The following SMG1 variants were observed in gnomAD, a reference collection of about 807,000 sequenced individuals.
SMG1 encodes serine/threonine-protein kinase SMG1.
In SMG1, 22 loss-of-function variants were observed where a neutral mutation model predicts 419.9. That is an observed-to-expected ratio of 0.05 (90% CI 0.04 to 0.07). SMG1 has a LOEUF of 0.07. Ranked by LOEUF, SMG1 falls within the 10% of genes least tolerant of loss-of-function variation. The pLI, the probability that SMG1 is intolerant of heterozygous loss-of-function variation, is 1.00. For missense variants in SMG1, 3,185 were observed against 4,342.0 expected (o/e 0.73, Z 7.49); for synonymous variants, 1,538 against 1,553.5 (o/e 0.99, Z 0.23).
At position 18,815,271 on chromosome 16, in the gene SMG1, T is replaced by C. The variant is rs1441307688; in HGVS notation, c.10525A>G (p.Asn3509Asp). The change falls in exon 60 of 63, where the codon AAT (asparagine) becomes GAT (aspartate). Residue 3509 changes from asparagine (N) to aspartate (D), a missense_variant. Asn to Asp is a conservative substitution (Grantham distance 23). Coordinates refer to ENST00000446231, the MANE Select transcript of SMG1 (RefSeq NM_015092.5). ...AAGGGTGATGCAAAACTCACTAAATTATTATAGATACTGAAATACAAAATA... is the reference window on the plus strand; with the variant it reads ...AAGGGTGATGCAAAACTCACTAAATCATTATAGATACTGAAATACAAAATA... ...LKTQSQSIYNNLVSFASPLVT... is the reference protein window; with the variant it reads ...LKTQSQSIYNDLVSFASPLVT... The C allele has an allele frequency of 6.3e-7, 1 of 1,576,008 alleles. No homozygotes were observed. Among genetic ancestry groups the C allele is most frequent in the South Asian group, 1.2e-5 (1 of 86,194 alleles).
chr16:18,899,285 C>A (rs1057321342), intron 1 of SMG1, among the ~76,000 whole-genome samples: 5 of 151,962 alleles, frequency 3.3e-5, no homozygotes, highest in Non-Finnish European at 7.4e-5. Flanking sequence ...GCCGCTTCCC[C>A]GTTGGTTAGA....
chr16:18,922,045 CTTG>C, intron 1 of SMG1, among the ~76,000 whole-genome samples: 1 of 152,330 alleles, frequency 6.6e-6, no homozygotes, highest in South Asian at 2.1e-4. Flanking sequence ...GTAAAATCTA[CTTG>C]TTTTCTGTTG....
Position 18,833,092 on chromosome 16 carries a change from T to C in SMG1, c.8640A>G (p.Leu2880=). 6.2e-7 allele frequency: 1 copy of C among 1,614,068 alleles called. No individual in the cohort carries two copies. Among genetic ancestry groups the C allele is most frequent in the African/African-American group, 1.3e-5 (1 of 75,068 alleles). The change falls in exon 51 of 63, where the codon TTA becomes TTG. Residue 2880 remains leucine (L), a synonymous_variant. Transcript: ENST00000446231. ...CGTCCAGTTCATGCAGCATACTTTC[T>C]AACGTGTATTCCCCTTTCATTAAAC... ...LRCLMKGEYT[L]ESMLHELDGL... is the part of the protein sequence containing the mutation.
chr16:18,898,568 C>T (rs1177703530), intron 1 of SMG1, among the ~76,000 whole-genome samples: 3 of 152,070 alleles, frequency 2.0e-5, no homozygotes, highest in African/African-American at 7.2e-5. Context: ...TCATAGCATA[C>T]GATTACTTTC....
chr16:18,885,519 A>C, intron 7 of SMG1, 22 bp downstream of exon 7: 1 of 1,595,904 alleles, frequency 6.3e-7, no homozygotes, highest in African/African-American at 1.3e-5. Context: ...CCATGATCTG[A>C]AAAGCGGAAT....
rs763105986 is a variant in SMG1, at chr16:18,850,306, A to G, written c.5214T>C (p.Asp1738=). 3 of 1,613,822 alleles carry G rather than the reference A, an allele frequency of 1.9e-6. No individual in the cohort carries two copies. The Admixed American group carries it at 5.0e-5, about 27-fold the overall frequency. ...AGAGTTTGTACAGGCTGAATATTCTATCTACAACTTTCCTCCACACTTTAA... is the reference window on the plus strand; with the variant it reads ...AGAGTTTGTACAGGCTGAATATTCTGTCTACAACTTTCCTCCACACTTTAA... The part of the protein sequence containing the change: ...GVIKVWRKVV[D]RIFSLYKLSC... The change falls in exon 34 of 63, where the codon GAT becomes GAC. Residue 1738 remains aspartate, a synonymous_variant. Coordinates refer to ENST00000446231, the MANE Select transcript of SMG1 (RefSeq NM_015092.5).
At chr16:18,879,151 T>C (rs1230137271) in intron 11 of SMG1, 13 of 305,410 alleles carry the variant, frequency 4.3e-5, no homozygotes, top group Non-Finnish European at 6.2e-5. Context: ...GGGCCTTTTT[T>C]TGTCACCTTG....
At chr16:18,850,554 TTCTCATA>T (rs2034533815) in intron 33 of SMG1, 87 bp from the exon 34 acceptor site, 1 of 861,900 alleles carries the variant, frequency 1.2e-6, no homozygotes, top group Non-Finnish European at 1.8e-6. Context: ...TAAAAAATTC[TTCTCATA>T]TATAAAAGAT....
chr16:18,859,015 T>C lies in SMG1; in HGVS notation c.4113+7A>G, dbSNP rs1438542690. ...TCATAAGAGTGTGCTTGTAAAAATA[T>C]ACAGACCTCTGTTGAAAGTCTGTTA... On this transcript the variant is annotated splice_region_variant and intron_variant, in intron 28 of 62. Coordinates refer to ENST00000446231, the MANE Select transcript of SMG1 (RefSeq NM_015092.5). 2.0e-6 allele frequency: 3 copies of C among 1,495,472 alleles called. No individual in the cohort carries two copies. Among genetic ancestry groups the C allele is most frequent in the East Asian group, 2.4e-5 (1 of 41,078 alleles). The allele number at this position is 1,495,472 out of a possible 1,614,324, so 92.6% of individuals were successfully genotyped here. A position where few individuals can be genotyped will look rare whatever the true frequency, so the allele number is the denominator to read the frequency against.
intron 10 of SMG1, 83 bp downstream of exon 10, chr16:18,882,079 TAAC>T: frequency 1.1e-6 from 1 of 898,168 alleles, no homozygotes. Context: ...GAAGGATTAA[TAAC>T]AGTTCACCAG....
rs2034213543 is a variant in SMG1, at chr16:18,845,598, A to T, written c.6050T>A (p.Ile2017Asn). Residue 2017 changes from isoleucine to asparagine, a missense_variant, in exon 39 of 63, where the codon ATC becomes AAC. This residue lies in a region of SMG1 where 159 missense variants were observed against 196.0 expected (regional missense o/e 0.81). Transcript: ENST00000446231. ...CCTCACATGCTCCAAAGCAAATACG[A>T]TGGGCTTCATCAAAGCTGTGTGCTT... ...REKHTALMKP[I>N]VFALEHVRSI... The T allele has an allele frequency of 6.2e-7, 1 of 1,613,368 alleles. No homozygotes were observed. The highest frequency in any genetic ancestry group is 8.5e-7 in the Non-Finnish European group (1 of 1,179,874).
intron 1 of SMG1, among the ~76,000 whole-genome samples, chr16:18,904,249 A>G (rs2037467605): frequency 6.7e-6 from 1 of 149,654 alleles, no homozygotes; most frequent in African/African-American, 2.5e-5. Flanking sequence ...TTTCTTTTGT[A>G]CGTTGCAAAA....
chr16:18,835,061 G>A lies in SMG1; in HGVS notation c.8161C>T (p.Leu2721Phe). ...QRYAADINSR[L>F]IRQVERLKQE... ...TTCAAGCGTTCCACTTGTCTAATAA[G>A]TCTGCTGTTGATGTCTGCTGCGTAT... is the stretch of plus-strand genomic sequence containing the variant. Residue 2721 changes from leucine (L) to phenylalanine (F), a missense_variant, in exon 49 of 63, where the codon CTT (leucine) becomes TTT (phenylalanine). Coordinates refer to ENST00000446231, the MANE Select transcript of SMG1 (RefSeq NM_015092.5). The A allele has an allele frequency of 1.2e-6, 2 of 1,613,962 alleles. No homozygotes were observed. Among genetic ancestry groups the A allele is most frequent in the South Asian group, 2.2e-5 (2 of 91,080 alleles).
chr16:18,838,440 C>T lies in SMG1; in HGVS notation c.7111G>A (p.Val2371Ile), dbSNP rs765592583. The change falls in exon 44 of 63, where the codon GTA (valine) becomes ATA (isoleucine). Residue 2371 changes from valine to isoleucine, a missense_variant. Transcript: ENST00000446231. ...KGKSLRVPEK[V>I]PFRMTQNIET... ...ATGTTTTGTGTCATTCGAAAAGGTA[C>T]TTTCTCAGGAACTCTAAGGCTTTTA... 2 of 1,614,016 alleles carry T rather than the reference C, an allele frequency of 1.2e-6. No individual in the cohort carries two copies. The highest frequency in any genetic ancestry group is 1.7e-6 in the Non-Finnish European group (2 of 1,179,898).
chr16:18,809,162 G>C lies in SMG1; in HGVS notation c.*407C>G, dbSNP rs2031133458. On this transcript the variant is annotated 3_prime_UTR_variant, in exon 63 of 63. Coordinates refer to ENST00000446231, the MANE Select transcript of SMG1 (RefSeq NM_015092.5). The stretch of plus-strand genomic sequence containing the variant: ...TTTCTTCGCGACCCCAGTTTTCTCT[G>C]TTTCTGAGTGGGGTTTGTTTTTTTC... The C allele has an allele frequency of 6.0e-6, 1 of 165,980 alleles. No individual in the cohort carries two copies. Among genetic ancestry groups the C allele is most frequent in the South Asian group, 1.7e-4 (1 of 5,918 alleles). 10.3% of individuals were successfully genotyped at this position (165,980 alleles called of 1,614,324 possible). A position where few individuals can be genotyped will look rare whatever the true frequency, so the allele number is the denominator to read the frequency against.
Position 18,807,461 on chromosome 16 carries a change from A to C in SMG1, c.*2108T>G, listed in dbSNP as rs896861428. On this transcript the variant is annotated 3_prime_UTR_variant, in exon 63 of 63. Coordinates refer to ENST00000446231, the MANE Select transcript of SMG1 (RefSeq NM_015092.5). ...GGTTCCAAATGAATGAAGAAAACAA[A>C]ATTTGATGCGCTAGGTTCCTTAACT... 6.6e-6 allele frequency: 1 copy of C among 152,168 alleles called. No homozygotes were observed. Among genetic ancestry groups the C allele is most frequent in the African/African-American group, 2.4e-5 (1 of 41,440 alleles). The allele number at this position is 152,168 out of a possible 1,614,324, so 9.4% of individuals were successfully genotyped here.
At chr16:18,837,923 T>G in intron 45 of SMG1, 91 bp downstream of exon 45, 1 of 1,401,964 alleles carries the variant, frequency 7.1e-7, no homozygotes. Flanking sequence ...GCCAAAAAAA[T>G]TAGAGAAACA....
Position 18,838,671 on chromosome 16 carries a change from C to A in SMG1, c.6964G>T (p.Ala2322Ser), listed in dbSNP as rs768158721. Residue 2322 changes from alanine (A) to serine (S), a missense_variant, in exon 43 of 63, where the codon GCA (alanine) becomes TCA (serine). Around this residue, in one of 27 missense-constraint regions of SMG1, gnomAD observed 132 missense variants for 151.0 expected, o/e 0.87. Coordinates refer to ENST00000446231, the MANE Select transcript of SMG1 (RefSeq NM_015092.5). The stretch of plus-strand genomic sequence containing the variant: ...ATGTATCCAACCATAGACATGACTG[C>A]AGTAGATCTTGCATAAGACTAAAGG... ...RVTQSYARST[A>S]VMSMVGYIIG... 1 of 1,605,052 alleles carries A rather than the reference C, an allele frequency of 6.2e-7. No homozygotes were observed. The highest frequency in any genetic ancestry group is 1.1e-5 in the South Asian group (1 of 90,100).
chr16:18,883,521 C>T (rs963313826), intron 9 of SMG1, among the ~76,000 whole-genome samples: 3 of 152,270 alleles, frequency 2.0e-5, no homozygotes, highest in African/African-American at 7.2e-5. Context: ...AGAAAAATAC[C>T]AGCTACCAAG....
Sources: gnomAD v4.1 joint callset for allele counts (sites outside exome capture counted in the v4.1 genomes callset) on GRCh38, gnomAD v4.1.1 for gene constraint, gnomAD v4.1.1 regional missense constraint, MANE v1.5 for transcripts, NCBI Gene and HGNC (gene_info 2026-07-23, HGNC 2026-07-21) for gene names.